MAML3: variants seen among roughly 807,000 people sequenced by gnomAD.
MAML3 encodes the protein mastermind like transcriptional coactivator 3, also known as mastermind-like protein 3.
In MAML3, 27 loss-of-function variants were observed where a neutral mutation model predicts 101.9. The ratio of observed to expected loss-of-function variants is 0.27; its 90% CI spans 0.20 to 0.37. The LOEUF (loss-of-function observed/expected upper bound fraction) is 0.37. Among genes scored for constraint, MAML3 ranks in the 10% least tolerant of loss-of-function variants. The pLI, the probability that MAML3 is intolerant of heterozygous loss-of-function variation, is 1.00. For missense variants in MAML3, 1,316 were observed against 1,444.9 expected (o/e 0.91, Z 1.45); for synonymous variants, 501 against 555.9 (o/e 0.90, Z 1.39).
At chr4:139,801,672 G>C (rs1578608141) in intron 2 of MAML3, among the ~76,000 whole-genome samples, 1 of 18,176 alleles carries the variant, frequency 5.5e-5, no homozygotes, top group African/African-American at 1.4e-4. Context: ...GTGTGTGTGT[G>C]TGTGTGTGTC....
intron 1 of MAML3, among the ~76,000 whole-genome samples, chr4:140,043,530 AT>A (rs1329294977): frequency 6.6e-6 from 1 of 152,172 alleles, no homozygotes; most frequent in African/African-American, 2.4e-5. Flanking sequence ...AATTCTCCAT[AT>A]CCCCACATTC....
chr4:139,749,803 T>C (rs892709872), intron 2 of MAML3, among the ~76,000 whole-genome samples: 5 of 152,172 alleles, frequency 3.3e-5, no homozygotes, highest in Non-Finnish European at 7.3e-5. Flanking sequence ...AATGCAGTAA[T>C]TATTTTACAG....
chr4:139,921,927 TG>T (rs1733138340), intron 1 of MAML3, among the ~76,000 whole-genome samples: 1 of 152,226 alleles, frequency 6.6e-6, no homozygotes, highest in East Asian at 1.9e-4. Context: ...CAGTTCAGTG[TG>T]GGGAGGCAAT....
At chr4:139,838,709 A>G (rs543786039) in intron 2 of MAML3, among the ~76,000 whole-genome samples, 7 of 152,284 alleles carry the variant, frequency 4.6e-5, no homozygotes, top group African/African-American at 1.7e-4. Flanking sequence ...GTGTTCTGCT[A>G]TGTTTGGGAC....
intron 1 of MAML3, among the ~76,000 whole-genome samples, chr4:140,017,100 A>G (rs1229299962): frequency 1.3e-5 from 2 of 152,236 alleles, no homozygotes; most frequent in Non-Finnish European, 2.9e-5. Flanking sequence ...TTCTCAAAAC[A>G]CAGCAGTAAG....
chr4:139,889,076 CAG>C, intron 2 of MAML3: 3 of 558,756 alleles, frequency 5.4e-6, no homozygotes, highest in Non-Finnish European at 1.0e-5. Context: ...CTCCCTCCCT[CAG>C]AGTGAGAATT....
At chr4:140,026,714 T>A (rs1205559115) in intron 1 of MAML3, among the ~76,000 whole-genome samples, 5 of 152,230 alleles carry the variant, frequency 3.3e-5, no homozygotes, top group Non-Finnish European at 7.3e-5. Context: ...ACTAGCTTTT[T>A]GCTTTTGATC....
At chr4:139,745,824 A>G (rs979042771) in intron 2 of MAML3, among the ~76,000 whole-genome samples, 3 of 152,260 alleles carry the variant, frequency 2.0e-5, no homozygotes, top group African/African-American at 7.2e-5. Flanking sequence ...CAGTAGGTAT[A>G]TACTGTGAAT....
chr4:139,818,086 G>A (rs1279148941), intron 2 of MAML3, among the ~76,000 whole-genome samples: 1 of 152,154 alleles, frequency 6.6e-6, no homozygotes, highest in African/African-American at 2.4e-5. Flanking sequence ...CCTGAGGTGG[G>A]ACCTGATCAT....
At chr4:140,073,125 T>C (rs1727692770) in intron 1 of MAML3, among the ~76,000 whole-genome samples, 1 of 151,868 alleles carries the variant, frequency 6.6e-6, no homozygotes. Flanking sequence ...TCCATACCAA[T>C]TTATATCCAT....
intron 1 of MAML3, among the ~76,000 whole-genome samples, chr4:140,071,910 G>C (rs527788232): frequency 1.3e-5 from 2 of 152,158 alleles, no homozygotes; most frequent in Non-Finnish European, 2.9e-5. Context: ...TGGGGTGCAA[G>C]AATGTCCTAG....
intron 1 of MAML3, among the ~76,000 whole-genome samples, chr4:140,114,247 T>C (rs1195566460): frequency 1.3e-5 from 2 of 152,222 alleles, no homozygotes; most frequent in Non-Finnish European, 2.9e-5. Context: ...TTATAGCTCT[T>C]ATCACATCAC....
intron 2 of MAML3, among the ~76,000 whole-genome samples, chr4:139,772,075 C>T (rs1730001197): frequency 6.7e-6 from 1 of 150,346 alleles, no homozygotes. Context: ...CCCGTCTCTA[C>T]TAAAAATACA....
At chr4:139,911,157 G>A (rs2111223672) in intron 1 of MAML3, among the ~76,000 whole-genome samples, 1 of 151,948 alleles carries the variant, frequency 6.6e-6, no homozygotes, top group South Asian at 2.1e-4. Context: ...ATCTCTTAAT[G>A]ACTGGAATAT....
At chr4:139,971,255 G>A (rs1734230691) in intron 1 of MAML3, among the ~76,000 whole-genome samples, 1 of 152,044 alleles carries the variant, frequency 6.6e-6, no homozygotes, top group South Asian at 2.1e-4. Context: ...AACTCATCAC[G>A]AGCCTCCCAG....
At chr4:139,722,007 G>A (rs1247220521) in intron 4 of MAML3, among the ~76,000 whole-genome samples, 1 of 152,186 alleles carries the variant, frequency 6.6e-6, no homozygotes, top group Non-Finnish European at 1.5e-5. Flanking sequence ...TGATTGGATA[G>A]ACCCAAATTA....
intron 1 of MAML3, among the ~76,000 whole-genome samples, chr4:140,088,278 G>A (rs1434212380): frequency 1.3e-5 from 2 of 151,842 alleles, no homozygotes; most frequent in South Asian, 2.1e-4. Flanking sequence ...AGGAAGGGAG[G>A]AAGGAAAATT....
chr4:139,834,634 C>A (rs1046896145), intron 2 of MAML3, among the ~76,000 whole-genome samples: 1 of 152,200 alleles, frequency 6.6e-6, no homozygotes, highest in Non-Finnish European at 1.5e-5. Flanking sequence ...GGAGAATACC[C>A]TCCCTCACAC....
intron 1 of MAML3, among the ~76,000 whole-genome samples, chr4:139,931,705 T>C (rs1456398324): frequency 6.6e-6 from 1 of 152,018 alleles, no homozygotes; most frequent in Admixed American, 6.6e-5. Context: ...TAAAAAGAAC[T>C]TTGTAAAAGT....
Sources: gnomAD v4.1 joint callset for allele counts (sites outside exome capture counted in the v4.1 genomes callset) on GRCh38, gnomAD v4.1.1 for gene constraint, MANE v1.5 for transcripts, NCBI Gene and HGNC (gene_info 2026-07-23, HGNC 2026-07-21) for gene names.